Variants in LRP10 observed in about 807,000 individuals in gnomAD.
LRP10 encodes LDL receptor related protein 10.
LRP10 carries 42 observed loss-of-function variants against 58.5 expected under a neutral mutation model. The ratio of observed to expected loss-of-function variants is 0.72; its 90% CI spans 0.56 to 0.93. LRP10 has a LOEUF of 0.93. Among genes scored for constraint, LRP10 ranks in the 40% least tolerant of loss-of-function variants. The probability of loss-of-function intolerance (pLI) is 0.00; values close to 1 mark genes in which losing one functional copy is unlikely to be tolerated. For missense variants in LRP10, 872 were observed against 940.1 expected (o/e 0.93, Z 0.95); for synonymous variants, 377 against 388.5 (o/e 0.97, Z 0.35).
chr14:22,881,298 C>G lies in LRP10; in HGVS notation c.*3771C>G, dbSNP rs1241819909. ...GGTTGAGGTTACAGTGAGCCATGAT[C>G]GCACCACTGCAGTCCAGCCCGAGCA... On this transcript the variant is annotated 3_prime_UTR_variant, in exon 7 of 7. Transcript: ENST00000359591. The G allele has an allele frequency of 6.6e-6, 1 of 152,182 alleles. No homozygotes were observed. The highest frequency in any genetic ancestry group is 1.5e-5 in the Non-Finnish European group (1 of 68,050). The allele number at this position is 152,182 out of a possible 1,614,324, so 9.4% of individuals were successfully genotyped here.
In LRP10 at chr14:22,872,060, G is replaced by GA; in HGVS notation, c.-242dup. 1 of 584,730 alleles carries GA rather than the reference G, an allele frequency of 1.7e-6. No individual in the cohort carries two copies. The highest frequency in any genetic ancestry group is 3.0e-6 in the Non-Finnish European group (1 of 328,930). 36.2% of individuals were successfully genotyped at this position (584,730 alleles called of 1,614,324 possible). On this transcript the variant is annotated 5_prime_UTR_variant, in exon 1 of 7. Transcript: ENST00000359591. ...GGCTTCAGGAGCCGGCCCCGGGAGA[G>GA]AAGAGTGCGGCGGCGGACGGAGAAA...
chr14:22,876,351 C>T lies in LRP10; in HGVS notation c.1403C>T (p.Ala468Val). 6.2e-7 allele frequency: 1 copy of T among 1,613,906 alleles called. No individual in the cohort carries two copies. Among genetic ancestry groups the T allele is most frequent in the Non-Finnish European group, 8.5e-7 (1 of 1,179,966 alleles). Residue 468 changes from alanine to valine, a missense_variant, in exon 5 of 7, where the codon GCC (alanine) becomes GTC (valine). By Grantham distance (64) the Ala-to-Val change is moderately conservative. Transcript: ENST00000359591. ...IALGCTCKLY[A>V]IRTQEYSIFA... is the part of the protein sequence containing the mutation. ...CTGGGCTGCACCTGCAAGCTCTATG[C>T]CATTCGCACCCAGGAGTACAGGTCA...
chr14:22,878,226 C>T lies in LRP10; in HGVS notation c.*699C>T, dbSNP rs2040027760. On this transcript the variant is annotated 3_prime_UTR_variant, in exon 7 of 7. Coordinates refer to ENST00000359591, the MANE Select transcript of LRP10 (RefSeq NM_014045.5). Reference sequence around the variant, plus strand: ...CTGTTCATCTCCCAACCACTGCACTCTTGATTTTTATACCACACAGAAGGT... The same window carrying T: ...CTGTTCATCTCCCAACCACTGCACTTTTGATTTTTATACCACACAGAAGGT... The T allele has an allele frequency of 6.6e-6, 1 of 152,292 alleles. No individual in the cohort carries two copies. Among genetic ancestry groups the T allele is most frequent in the South Asian group, 2.1e-4 (1 of 4,830 alleles). The allele number at this position is 152,292 out of a possible 1,614,324, so 9.4% of individuals were successfully genotyped here. A position where few individuals can be genotyped will look rare whatever the true frequency, so the allele number is the denominator to read the frequency against.
chr14:22,879,059 G>A lies in LRP10; in HGVS notation c.*1532G>A, dbSNP rs2040036479. The A allele has an allele frequency of 7.6e-6, 3 of 392,272 alleles. No individual in the cohort carries two copies. Among genetic ancestry groups the A allele is most frequent in the South Asian group, 5.4e-5 (3 of 56,074 alleles). The allele number at this position is 392,272 out of a possible 1,614,324, so 24.3% of individuals were successfully genotyped here. On this transcript the variant is annotated 3_prime_UTR_variant, in exon 7 of 7. Coordinates refer to ENST00000359591, the MANE Select transcript of LRP10 (RefSeq NM_014045.5). ...CTTGTCTAGCCCCACACCTGGCAGA[G>A]CCTGTCACCCAGCCTAGCCCCACGC...
chr14:22,879,155 C>G lies in LRP10; in HGVS notation c.*1628C>G. The G allele has an allele frequency of 2.2e-6, 1 of 456,592 alleles. No individual in the cohort carries two copies. Among genetic ancestry groups the G allele is most frequent in the Middle Eastern group, 3.3e-4 (1 of 3,072 alleles). The allele number at this position is 456,592 out of a possible 1,614,324, so 28.3% of individuals were successfully genotyped here. A position where few individuals can be genotyped will look rare whatever the true frequency, so the allele number is the denominator to read the frequency against. On this transcript the variant is annotated 3_prime_UTR_variant, in exon 7 of 7. Coordinates refer to ENST00000359591, the MANE Select transcript of LRP10 (RefSeq NM_014045.5). ...GCCCTGTTGATTACACCCTGTCAGC[C>G]TCCTCAAACCCAGCACTAATTGCAC...
At chr14:22,872,469 C>A (rs571973627) in intron 1 of LRP10, 132 bp downstream of exon 1, 28 of 1,044,940 alleles carry the variant, frequency 2.7e-5, no homozygotes, top group Middle Eastern at 4.3e-4. Flanking sequence ...CCCAGCACTG[C>A]CGGCCCCAAC....
rs1214823545 is a variant in LRP10, at chr14:22,878,017, TC to T, written c.*491del. 2 of 153,918 alleles carry T rather than the reference TC, an allele frequency of 1.3e-5. No individual in the cohort carries two copies. Among genetic ancestry groups the T allele is most frequent in the Non-Finnish European group, 2.9e-5 (2 of 69,232 alleles). 9.5% of individuals were successfully genotyped at this position (153,918 alleles called of 1,614,324 possible). On this transcript the variant is annotated 3_prime_UTR_variant, in exon 7 of 7. Transcript: ENST00000359591. ...TCACAAAAAGAGTGCAACAAATGCT[TC>T]TATTCCATAGCTACGGCATTGCTCA...
rs756719959 is a variant in LRP10, at chr14:22,873,330, A to C, written c.99A>C (p.Ala33=). The C allele has an allele frequency of 1.2e-6, 2 of 1,614,068 alleles. No individual in the cohort carries two copies. Among genetic ancestry groups the C allele is most frequent in the Non-Finnish European group, 1.7e-6 (2 of 1,179,980 alleles). ...FPNHACEDPP[A]VLLEVQGTLQ... is the part of the protein sequence containing the mutation. ...CTCCAGCTTGTGAGGACCCCCCAGCAGTGCTCTTAGAAGTGCAGGGCACCT... is the reference window on the plus strand; with the variant it reads ...CTCCAGCTTGTGAGGACCCCCCAGCCGTGCTCTTAGAAGTGCAGGGCACCT... The change falls in exon 3 of 7, where the codon GCA becomes GCC. Residue 33 remains alanine (A), a synonymous_variant. Coordinates refer to ENST00000359591, the MANE Select transcript of LRP10 (RefSeq NM_014045.5).
chr14:22,872,379 G>A (rs1223372027), intron 1 of LRP10, 42 bp downstream of exon 1: 10 of 1,612,684 alleles, frequency 6.2e-6, no homozygotes, highest in Middle Eastern at 1.6e-4. Context: ...TTCTGTCACC[G>A]GGCCAGCAGC....
rs2039959708 is a variant in LRP10, at chr14:22,872,098, T to C, written c.-206T>C. ...GCGGACGGAGAAAACAACTCCAAAGTTGGCGAAAGGCACCGCCCCTACTCC... is the reference window on the plus strand; with the variant it reads ...GCGGACGGAGAAAACAACTCCAAAGCTGGCGAAAGGCACCGCCCCTACTCC... On this transcript the variant is annotated 5_prime_UTR_variant, in exon 1 of 7. Coordinates refer to ENST00000359591, the MANE Select transcript of LRP10 (RefSeq NM_014045.5). 4 of 603,820 alleles carry C rather than the reference T, an allele frequency of 6.6e-6. No individual in the cohort carries two copies. The highest frequency in any genetic ancestry group is 2.8e-5 in the East Asian group (1 of 35,506). 37.4% of individuals were successfully genotyped at this position (603,820 alleles called of 1,614,324 possible).
chr14:22,876,331 C>G lies in LRP10; in HGVS notation c.1383C>G (p.Gly461=). Residue 461 remains glycine (G), a synonymous_variant, in exon 5 of 7, where the codon GGC becomes GGG. Coordinates refer to ENST00000359591, the MANE Select transcript of LRP10 (RefSeq NM_014045.5). The part of the protein sequence containing the change: ...VCGLLLVIAL[G]CTCKLYAIRT... Reference sequence around the variant, plus strand: ...GCCTGCTCCTGGTCATCGCCCTGGGCTGCACCTGCAAGCTCTATGCCATTC... The same window carrying G: ...GCCTGCTCCTGGTCATCGCCCTGGGGTGCACCTGCAAGCTCTATGCCATTC... The G allele has an allele frequency of 6.2e-7, 1 of 1,614,062 alleles. No homozygotes were observed. The highest frequency in any genetic ancestry group is 1.1e-5 in the South Asian group (1 of 91,080).
intron 1 of LRP10, 116 bp downstream of exon 1, chr14:22,872,453 G>A (rs2039965167): frequency 1.6e-5 from 18 of 1,101,328 alleles, no homozygotes; most frequent in African/African-American, 3.9e-5. Context: ...AGCCCCTGCC[G>A]CCAGCCCCAG....
At chr14:22,873,943 T>C (rs993034230) in intron 3 of LRP10, among the ~76,000 whole-genome samples, 31 of 152,142 alleles carry the variant, frequency 2.0e-4, no homozygotes, top group African/African-American at 7.2e-4. Context: ...ACTCAGTGAA[T>C]TGAGGTGGAG....
In LRP10 at chr14:22,877,184, G is replaced by A. The variant is rs139012932; in HGVS notation, c.1799G>A (p.Arg600His). ...CTAGATGGTGGCACAGGTCCAGCCCGTGAGGGCGGGGCAGTGGGTGGGCAA... is the reference window on the plus strand; with the variant it reads ...CTAGATGGTGGCACAGGTCCAGCCCATGAGGGCGGGGCAGTGGGTGGGCAA... ...EALDGGTGPAREGGAVGGQDG... is the reference protein window; with the variant it reads ...EALDGGTGPAHEGGAVGGQDG... The change falls in exon 7 of 7, where the codon CGT (arginine) becomes CAT (histidine). Residue 600 changes from arginine to histidine, a missense_variant. Arg to His is a conservative substitution (Grantham distance 29). Coordinates refer to ENST00000359591, the MANE Select transcript of LRP10 (RefSeq NM_014045.5). The surrounding 1 kb of genome is among the most constrained non-coding windows in gnomAD (Gnocchi z 5.1). 3.6e-4 allele frequency: 580 copies of A among 1,597,336 alleles called. 4 individuals carry two copies. In the African/African-American group the frequency reaches 6.8e-3, roughly 19 times the overall value.
Position 22,875,915 on chromosome 14 carries a change from G to A in LRP10, c.967G>A (p.Ala323Thr). 1 of 1,613,542 alleles carries A rather than the reference G, an allele frequency of 6.2e-7. No homozygotes were observed. The highest frequency in any genetic ancestry group is 1.1e-5 in the South Asian group (1 of 91,086). Reference sequence around the variant, plus strand: ...CTGTGGCTTAGGCTCTGGCCTGGGAGCTGGCGAAGGCCTAGGTGAGCGCTG... The same window carrying A: ...CTGTGGCTTAGGCTCTGGCCTGGGAACTGGCGAAGGCCTAGGTGAGCGCTG... ...RPCGLGSGLG[A>T]GEGLGERCYS... The change falls in exon 5 of 7, where the codon GCT becomes ACT. Residue 323 changes from alanine to threonine, a missense_variant. Coordinates refer to ENST00000359591, the MANE Select transcript of LRP10 (RefSeq NM_014045.5).
chr14:22,876,586 C>T, intron 5 of LRP10, 103 bp from the exon 6 acceptor site: 1 of 1,501,502 alleles, frequency 6.7e-7, no homozygotes, highest in East Asian at 2.3e-5. Flanking sequence ...GGCACAGCTC[C>T]AGCTGGCCTG....
At position 22,875,169 on chromosome 14, in the gene LRP10, C is replaced by A. The variant is rs781728163; in HGVS notation, c.330C>A (p.Gly110=). The change falls in exon 4 of 7, where the codon GGC becomes GGA. Residue 110 remains glycine, a synonymous_variant. Coordinates refer to ENST00000359591, the MANE Select transcript of LRP10 (RefSeq NM_014045.5). ...CCAGCCCTCTGCAGCTGCCCGGGGG[C>A]AACGTCACCATCACTTACAGCTATG... ...APPSPLQLPG[G]NVTITYSYAG... is the part of the protein sequence containing the mutation. 1.2e-6 allele frequency: 2 copies of A among 1,613,446 alleles called. No homozygotes were observed. Among genetic ancestry groups the A allele is most frequent in the African/African-American group, 2.7e-5 (2 of 74,914 alleles).
chr14:22,877,061 G>A lies in LRP10; in HGVS notation c.1676G>A (p.Arg559His), dbSNP rs368720585. 38 of 1,613,664 alleles carry A rather than the reference G, an allele frequency of 2.4e-5. 1 individual carries two copies. In the East Asian group the frequency reaches 2.5e-4, roughly 10 times the overall value. ...CGCTTGATGCGACGCCTGGTACGCC[G>A]TCTCCGCCGCTGGGGCTTGCTCCCT... ...RGRLMRRLVR[R>H]LRRWGLLPRT... The change falls in exon 7 of 7, where the codon CGT becomes CAT. Residue 559 changes from arginine to histidine, a missense_variant. Physicochemically the swap from Arg to His is conservative, Grantham distance 29 (BLOSUM62 0). Transcript: ENST00000359591. The surrounding 1 kb of genome is among the most constrained non-coding windows in gnomAD (Gnocchi z 5.1).
Position 22,880,653 on chromosome 14 carries a change from GGGA to G in LRP10, c.*3128_*3130del, listed in dbSNP as rs1334964663. The G allele has an allele frequency of 6.6e-6, 1 of 152,040 alleles. No homozygotes were observed. Among genetic ancestry groups the G allele is most frequent in the Non-Finnish European group, 1.5e-5 (1 of 68,026 alleles). The allele number at this position is 152,040 out of a possible 1,614,324, so 9.4% of individuals were successfully genotyped here. Reference sequence around the variant, plus strand: ...ACCAAGCTCCAGACCTCACTAGGAGGGGAGAAGGACCCCCCAGCCACACAGCCC... The same window carrying G: ...ACCAAGCTCCAGACCTCACTAGGAGGGAAGGACCCCCCAGCCACACAGCCC... On this transcript the variant is annotated 3_prime_UTR_variant, in exon 7 of 7. Transcript: ENST00000359591.
Sources: allele counts gnomAD v4.1 joint callset (sites outside exome capture counted in the v4.1 genomes callset), GRCh38; gene constraint gnomAD v4.1.1; non-coding constraint Gnocchi (gnomAD v3.1); transcripts MANE v1.5; gene names NCBI Gene and HGNC (gene_info 2026-07-23, HGNC 2026-07-21).